Variants in FHIT observed in about 807,000 individuals in gnomAD.
FHIT encodes bis(5'-adenosyl)-triphosphatase.
Under a neutral mutation model 17.9 loss-of-function variants are expected in FHIT, and 19 were observed. The observed-to-expected ratio is 1.06, with a 90% CI of 0.74 to 1.56. The LOEUF (loss-of-function observed/expected upper bound fraction) is 1.56, where lower values mean the gene tolerates loss of function less well. Among genes scored for constraint, FHIT ranks in the 40% most tolerant of loss-of-function variants. FHIT has a pLI of 0.00. For missense variants in FHIT, 248 were observed against 189.2 expected (o/e 1.31, Z -1.82); for synonymous variants, 81 against 69.7 (o/e 1.16, Z -0.81).
intron 7 of FHIT, among the ~76,000 whole-genome samples, chr3:59,986,965 AG>A (rs1709000589): frequency 7.9e-6 from 1 of 126,312 alleles, no homozygotes; most frequent in Non-Finnish European, 1.6e-5. Context: ...ATATATGTAT[AG>A]GATTTACTAT....
chr3:60,769,512 C>T (rs1344262583), intron 4 of FHIT, among the ~76,000 whole-genome samples: 1 of 152,188 alleles, frequency 6.6e-6, no homozygotes. Flanking sequence ...ATTTAAAGGA[C>T]TTTAATTGAG....
chr3:60,128,410 C>T (rs749860216), intron 5 of FHIT, among the ~76,000 whole-genome samples: 70 of 152,176 alleles, frequency 4.6e-4, no homozygotes, highest in Non-Finnish European at 8.2e-4. Flanking sequence ...GTTTGCTTTC[C>T]CTTCTACCAT....
intron 4 of FHIT, among the ~76,000 whole-genome samples, chr3:60,721,179 C>T (rs9852628): frequency 0.11 from 17,473 of 151,962 alleles, 1,565 homozygotes; most frequent in African/African-American, 0.24. Context: ...ATAGGTGAGC[C>T]GGGAAGCATT....
chr3:60,984,793 T>A (rs1228222124), intron 3 of FHIT, among the ~76,000 whole-genome samples: 1 of 144,030 alleles, frequency 6.9e-6, no homozygotes, highest in Non-Finnish European at 1.5e-5. Context: ...GGGGTGTGTG[T>A]GTGTGTGTGT....
At chr3:60,007,724 A>G (rs1434939220) in intron 7 of FHIT, among the ~76,000 whole-genome samples, 2 of 152,204 alleles carry the variant, frequency 1.3e-5, no homozygotes, top group Non-Finnish European at 2.9e-5. Flanking sequence ...ATGCAGAAGT[A>G]TGATTGGATG....
intron 7 of FHIT, among the ~76,000 whole-genome samples, chr3:60,007,666 C>T (rs1216524309): frequency 6.6e-6 from 1 of 152,158 alleles, no homozygotes; most frequent in African/African-American, 2.4e-5. Context: ...CCATGGGAGC[C>T]TTTAGAAATA....
At chr3:60,511,333 C>T (rs534262081) in intron 5 of FHIT, among the ~76,000 whole-genome samples, 7 of 152,178 alleles carry the variant, frequency 4.6e-5, no homozygotes, top group South Asian at 2.1e-4. Flanking sequence ...CAGAAATGGT[C>T]GACACCCTTC....
At chr3:60,076,326 G>A (rs186388626) in intron 5 of FHIT, among the ~76,000 whole-genome samples, 4 of 152,136 alleles carry the variant, frequency 2.6e-5, no homozygotes, top group Admixed American at 6.6e-5. Context: ...TCAGAATGAG[G>A]TCCAGTACTG....
chr3:60,955,678 A>G (rs1170864657), intron 3 of FHIT, among the ~76,000 whole-genome samples: 2 of 145,154 alleles, frequency 1.4e-5, no homozygotes, highest in African/African-American at 2.6e-5. Context: ...TTTCAAAATG[A>G]TAAAAGAAAA....
intron 5 of FHIT, among the ~76,000 whole-genome samples, chr3:60,123,745 CTTTAAGTTTAGTGGAT>C (rs1265042854): frequency 2.0e-5 from 3 of 151,566 alleles, no homozygotes; most frequent in Middle Eastern, 3.4e-3. Flanking sequence ...CCAGTGCCCA[CTTTAAGTTTAGTGGAT>C]TAAGCAGACC....
chr3:60,406,397 C>T (rs199589063), intron 5 of FHIT, among the ~76,000 whole-genome samples: 1 of 152,172 alleles, frequency 6.6e-6, no homozygotes, highest in South Asian at 2.1e-4. Context: ...TACAATCAAA[C>T]AAGGCGTGGC....
chr3:60,768,185 G>C (rs1448756910), intron 4 of FHIT, among the ~76,000 whole-genome samples: 2 of 152,146 alleles, frequency 1.3e-5, no homozygotes, highest in Non-Finnish European at 1.5e-5. Flanking sequence ...ACCTCTTGTG[G>C]TCAACACTGC....
chr3:60,559,272 C>T (rs1020061265), intron 4 of FHIT, among the ~76,000 whole-genome samples: 1 of 152,128 alleles, frequency 6.6e-6, no homozygotes, highest in African/African-American at 2.4e-5. Flanking sequence ...TCCCTAGAGG[C>T]ATGCATTTCT....
rs148920106 is a variant in FHIT at position 59,899,215 on chromosome 3, T to G, written c.348+23131A>C. Among the ~76,000 whole-genome samples, 474 of 152,266 alleles carry G rather than the reference T, an allele frequency of 3.1e-3. 2 individuals are homozygous for G. Among genetic ancestry groups the G allele is most frequent in the African/African-American group, 0.011 (450 of 41,558 alleles). ...ATAAGAGCTGACATTACCTCCAGGG[T>G]CACATGCGGGCACATGAGATGATGT... On this transcript the variant is annotated intron_variant, in intron 8 of 9. Transcript: ENST00000492590.
At chr3:60,042,783 G>C (rs141998116) in intron 5 of FHIT, among the ~76,000 whole-genome samples, 2 of 151,808 alleles carry the variant, frequency 1.3e-5, no homozygotes, top group African/African-American at 4.8e-5. Context: ...AAAAAAAAAA[G>C]ATATTAATGT....
intron 4 of FHIT, among the ~76,000 whole-genome samples, chr3:60,709,977 C>G (rs1360315090): frequency 6.6e-6 from 1 of 151,706 alleles, no homozygotes; most frequent in Non-Finnish European, 1.5e-5. Flanking sequence ...CATTTCACTA[C>G]CCAGTCTCAC....
chr3:60,452,333 T>C (rs955924549), intron 5 of FHIT, among the ~76,000 whole-genome samples: 5 of 152,082 alleles, frequency 3.3e-5, no homozygotes, highest in African/African-American at 4.8e-5. Context: ...CCCTATGAAG[T>C]GGTTTAAAGT....
chr3:59,931,908 T>C (rs976413476), intron 7 of FHIT, among the ~76,000 whole-genome samples: 1 of 152,124 alleles, frequency 6.6e-6, no homozygotes, highest in Admixed American at 6.5e-5. Flanking sequence ...AATGAGAGTT[T>C]AAAGGAGCTT....
At chr3:61,057,238 T>C (rs1194986020) in intron 2 of FHIT, among the ~76,000 whole-genome samples, 1 of 152,268 alleles carries the variant, frequency 6.6e-6, no homozygotes, top group Non-Finnish European at 1.5e-5. Flanking sequence ...AAACGTGTTA[T>C]GGTTTCATAT....
Sources: allele counts gnomAD v4.1 joint callset (sites outside exome capture counted in the v4.1 genomes callset), GRCh38; gene constraint gnomAD v4.1.1; transcripts MANE v1.5; gene names NCBI Gene and HGNC (gene_info 2026-07-23, HGNC 2026-07-21).